IFRD1: variants seen among roughly 807,000 people sequenced by gnomAD.
The protein encoded by IFRD1 is interferon related developmental regulator 1.
IFRD1 carries 35 observed loss-of-function variants against 52.9 expected under a neutral mutation model. That is an observed-to-expected ratio of 0.66 (90% confidence interval 0.51 to 0.88). IFRD1 has a LOEUF of 0.88. Ranked by LOEUF, IFRD1 falls within the 40% of genes least tolerant of loss-of-function variation. The pLI is 0.00. For missense variants in IFRD1, 517 were observed against 550.8 expected, an observed-to-expected ratio of 0.94 and a Z score of 0.61; for synonymous variants, 184 against 188.4, an observed-to-expected ratio of 0.98 and a Z score of 0.19.
intron 8 of IFRD1, among the ~76,000 whole-genome samples, chr7:112,466,344 T>C (rs1451469109): frequency 6.6e-6 from 1 of 152,214 alleles, no homozygotes; most frequent in Non-Finnish European, 1.5e-5. Context: ...TTGAACTTGG[T>C]GATTCACAAA....
At chr7:112,439,545 G>A (rs1794816749) in intron 1 of IFRD1, among the ~76,000 whole-genome samples, 2 of 152,138 alleles carry the variant, frequency 1.3e-5, no homozygotes, top group South Asian at 2.1e-4. Context: ...GGTGCCTGTT[G>A]GTTAATTCAG....
At chr7:112,459,241 C>G (rs1795372371) in intron 5 of IFRD1, among the ~76,000 whole-genome samples, 3 of 152,014 alleles carry the variant, frequency 2.0e-5, no homozygotes, top group Admixed American at 2.0e-4. Flanking sequence ...AAAGATAATT[C>G]TATATTTATG....
At chr7:112,462,898 A>G (rs770319989) in intron 8 of IFRD1, among the ~76,000 whole-genome samples, 3 of 152,194 alleles carry the variant, frequency 2.0e-5, no homozygotes, top group Non-Finnish European at 4.4e-5. Flanking sequence ...GTTAGTTACC[A>G]TGGCTTGGCT....
At chr7:112,455,578 C>T (rs918642446) in intron 1 of IFRD1, among the ~76,000 whole-genome samples, 185 bp from the exon 2 acceptor site, 5 of 152,144 alleles carry the variant, frequency 3.3e-5, no homozygotes, top group Non-Finnish European at 5.9e-5. Flanking sequence ...CTTTGAAATA[C>T]GTAATTAGGT....
rs1402585743 is a variant in IFRD1 at position 112,450,626 on chromosome 7, A to G, written c.-63A>G. On this transcript the variant is annotated 5_prime_UTR_variant, in exon 1 of 12. Coordinates refer to ENST00000403825, the MANE Select transcript of IFRD1 (RefSeq NM_001550.4). ...CCGCCGCACAGACGCACGAGTAAAA[A>G]GTGCAGCTCCATCGGCTGATCCTCG... is the stretch of plus-strand genomic sequence containing the variant. 2.3e-6 allele frequency: 3 copies of G among 1,330,260 alleles called. No individual in the cohort carries two copies. Among genetic ancestry groups the G allele is most frequent in the Non-Finnish European group, 3.2e-6 (3 of 923,528 alleles). 82.4% of individuals were successfully genotyped at this position (1,330,260 alleles called of 1,614,324 possible).
rs1795278655 is a variant in IFRD1 at position 112,455,851 on chromosome 7, C to T, written c.183C>T (p.Ser61=). Residue 61 remains serine (S), a synonymous_variant, in exon 2 of 12, where the codon TCC becomes TCT. Transcript: ENST00000403825. ...ATTGCAGTGGTTATAGCGATCCTTC[C>T]AGTTTTGCTGAAGATGGTATGAGTT... ...MSHCSGYSDP[S]SFAEDGPEVL... The T allele has an allele frequency of 6.2e-7, 1 of 1,608,024 alleles. No individual in the cohort carries two copies. The highest frequency in any genetic ancestry group is 1.3e-5 in the African/African-American group (1 of 74,812).
chr7:112,473,056 G>A (rs1584504576), intron 11 of IFRD1, among the ~76,000 whole-genome samples, 195 bp downstream of exon 11: 3 of 96,600 alleles, frequency 3.1e-5, no homozygotes, highest in Non-Finnish European at 6.0e-5. Context: ...GTGTGTGTGT[G>A]TGTGTGTGTG....
In IFRD1 at chr7:112,472,809, T is replaced by A. The variant is rs1416982894; in HGVS notation, c.1214T>A (p.Val405Glu). ...AATGTATTTGAACTTGGACCCCCAG[T>A]GATGCTTGATGCTGCAACGCTTAAA... ...LRNVFELGPPVMLDAATLKTM... is the reference protein window; with the variant it reads ...LRNVFELGPPEMLDAATLKTM... The change falls in exon 11 of 12, where the codon GTG becomes GAG. Residue 405 changes from valine (V) to glutamate (E), a missense_variant. Val to Glu is a moderately radical substitution (Grantham distance 121). Transcript: ENST00000403825. 3.1e-6 allele frequency: 5 copies of A among 1,613,570 alleles called. No individual in the cohort carries two copies. Among genetic ancestry groups the A allele is most frequent in the Non-Finnish European group, 4.2e-6 (5 of 1,179,556 alleles).
intron 8 of IFRD1, among the ~76,000 whole-genome samples, chr7:112,463,384 C>T (rs1795493841): frequency 6.6e-6 from 1 of 152,134 alleles, no homozygotes; most frequent in African/African-American, 2.4e-5. Context: ...AGGATTAATA[C>T]AGTTCTGCCA....
intron 1 of IFRD1, chr7:112,452,489 A>T (rs1563264591): frequency 1.0e-6 from 1 of 967,442 alleles, no homozygotes; most frequent in Non-Finnish European, 1.2e-6. Context: ...ATCTGAATCA[A>T]ACATTTGAAT....
chr7:112,450,607 C>T lies in IFRD1; in HGVS notation c.-82C>T. The stretch of plus-strand genomic sequence containing the variant: ...AGACTCGCCTCTCAGCCGCCCGCCG[C>T]ACAGACGCACGAGTAAAAAGTGCAG... On this transcript the variant is annotated 5_prime_UTR_variant, in exon 1 of 12. Coordinates refer to ENST00000403825, the MANE Select transcript of IFRD1 (RefSeq NM_001550.4). 3 of 1,135,318 alleles carry T rather than the reference C, an allele frequency of 2.6e-6. No homozygotes were observed. Among genetic ancestry groups the T allele is most frequent in the Non-Finnish European group, 2.7e-6 (2 of 750,210 alleles). 70.3% of individuals were successfully genotyped at this position (1,135,318 alleles called of 1,614,324 possible). A position where few individuals can be genotyped will look rare whatever the true frequency, so the allele number is the denominator to read the frequency against.
chr7:112,440,910 C>A (rs894798431), intron 1 of IFRD1, among the ~76,000 whole-genome samples: 1 of 152,088 alleles, frequency 6.6e-6, no homozygotes, highest in Admixed American at 6.6e-5. Context: ...CCAAGGTGGG[C>A]GGACTGTGTG....
chr7:112,433,843 CAG>C (rs564471746), intron 1 of IFRD1, among the ~76,000 whole-genome samples: 112 of 152,110 alleles, frequency 7.4e-4, no homozygotes, highest in Admixed American at 7.3e-3. Flanking sequence ...TTTTTTGAGA[CAG>C]AGTCTCGCTA....
upstream of IFRD1, among the ~76,000 whole-genome samples, chr7:112,447,078 T>G (rs1361113671): frequency 2.6e-5 from 4 of 152,236 alleles, no homozygotes; most frequent in Non-Finnish European, 4.4e-5. Flanking sequence ...AAGAAAACCT[T>G]TCATGTTTAT....
At chr7:112,456,563 T>A (rs556575847) in intron 3 of IFRD1, among the ~76,000 whole-genome samples, 1 of 150,506 alleles carries the variant, frequency 6.6e-6, no homozygotes, top group South Asian at 2.1e-4. Context: ...AATTCTAGAC[T>A]TTTATAGTTT....
chr7:112,432,213 G>C (rs1169669299), intron 1 of IFRD1, among the ~76,000 whole-genome samples: 1 of 152,216 alleles, frequency 6.6e-6, no homozygotes, highest in Non-Finnish European at 1.5e-5. Context: ...CATTGTAACT[G>C]TAAGTGGTAC....
At chr7:112,454,662 C>A (rs1795243149) in intron 1 of IFRD1, among the ~76,000 whole-genome samples, 1 of 152,004 alleles carries the variant, frequency 6.6e-6, no homozygotes, top group Non-Finnish European at 1.5e-5. Context: ...TCCTTAATTC[C>A]CCTTAACATA....
At chr7:112,434,734 GGTTTCAA>G (rs1423834799) in intron 1 of IFRD1, among the ~76,000 whole-genome samples, 2 of 151,990 alleles carry the variant, frequency 1.3e-5, no homozygotes, top group Non-Finnish European at 2.9e-5. Context: ...TAACTTCAGG[GGTTTCAA>G]AGACCATCTA....
chr7:112,461,303 A>G (rs1373907094), intron 5 of IFRD1: 1 of 152,246 alleles, frequency 6.6e-6, no homozygotes, highest in Non-Finnish European at 1.5e-5. Context: ...ACAAAAGAAT[A>G]TAGTTGTAAC....
Sources: gnomAD v4.1 joint callset for allele counts (sites outside exome capture counted in the v4.1 genomes callset) on GRCh38, gnomAD v4.1.1 for gene constraint, MANE v1.5 for transcripts, NCBI Gene and HGNC (gene_info 2026-07-23, HGNC 2026-07-21) for gene names.